CSMD1: variants seen among roughly 807,000 people sequenced by gnomAD.
The protein encoded by CSMD1 is CUB and Sushi multiple domains 1, also known as CUB and sushi domain-containing protein 1.
Under a neutral mutation model 417.5 loss-of-function variants are expected in CSMD1, and 213 were observed. The observed-to-expected ratio is 0.51, with a 90% CI of 0.46 to 0.57. The LOEUF (loss-of-function observed/expected upper bound fraction) is 0.57. CSMD1 is among the 20% of genes least tolerant of loss of function. The pLI is 0.00. For missense variants in CSMD1, 6,923 were observed against 4,529.7 expected, an observed-to-expected ratio of 1.53 and a Z score of -15.17; for synonymous variants, 2,862 against 1,736.8, an observed-to-expected ratio of 1.65 and a Z score of -16.11.
At chr8:3,402,028 A>C (rs1393068551) in intron 15 of CSMD1, among the ~76,000 whole-genome samples, 3 of 152,028 alleles carry the variant, frequency 2.0e-5, no homozygotes, top group Non-Finnish European at 4.4e-5. Flanking sequence ...ACACACACAC[A>C]CATACACCCC....
intron 7 of CSMD1, among the ~76,000 whole-genome samples, chr8:3,650,221 T>G (rs1235212426): frequency 2.0e-5 from 3 of 151,038 alleles, no homozygotes; most frequent in Non-Finnish European, 4.4e-5. Context: ...AGATTTGCAA[T>G]GACCTGAGAT....
chr8:3,534,865 A>G (rs1297015166), intron 10 of CSMD1, among the ~76,000 whole-genome samples: 3 of 152,338 alleles, frequency 2.0e-5, no homozygotes, highest in African/African-American at 7.2e-5. Flanking sequence ...TGTATTCATC[A>G]ACCATCTGGG....
chr8:4,452,104 G>C (rs541368164), intron 2 of CSMD1, among the ~76,000 whole-genome samples: 83 of 152,292 alleles, frequency 5.5e-4, no homozygotes, highest in Admixed American at 1.4e-3. Flanking sequence ...ATTTAGGGCA[G>C]TGTGATGCTT....
intron 5 of CSMD1, among the ~76,000 whole-genome samples, chr8:3,760,435 C>T (rs915497880): frequency 1.3e-5 from 2 of 152,138 alleles, no homozygotes; most frequent in Non-Finnish European, 2.9e-5. Flanking sequence ...TAGAACAGGC[C>T]AGTCTGTTTC....
At chr8:3,842,562 A>G (rs1585077515) in intron 5 of CSMD1, among the ~76,000 whole-genome samples, 2 of 152,294 alleles carry the variant, frequency 1.3e-5, no homozygotes, top group East Asian at 3.9e-4. Flanking sequence ...CTGGGGACAC[A>G]GTAGTAGAAA....
chr8:4,249,341 T>C (rs1417705955), intron 3 of CSMD1, among the ~76,000 whole-genome samples: 1 of 152,186 alleles, frequency 6.6e-6, no homozygotes, highest in Non-Finnish European at 1.5e-5. Context: ...GAGGATGGAA[T>C]AAAGCGGTGT....
At chr8:4,845,306 T>G (rs1801079361) in intron 1 of CSMD1, among the ~76,000 whole-genome samples, 1 of 152,224 alleles carries the variant, frequency 6.6e-6, no homozygotes, top group African/African-American at 2.4e-5. Context: ...ACTGTTAATG[T>G]GCTGGTTGTT....
intron 10 of CSMD1, among the ~76,000 whole-genome samples, chr8:3,540,125 G>C (rs187928072): frequency 2.0e-5 from 3 of 152,226 alleles, no homozygotes; most frequent in Admixed American, 6.5e-5. Context: ...TACGGTCACA[G>C]TTTCAATACT....
At chr8:4,306,649 G>T (rs1435247476) in intron 3 of CSMD1, among the ~76,000 whole-genome samples, 1 of 151,940 alleles carries the variant, frequency 6.6e-6, no homozygotes, top group Non-Finnish European at 1.5e-5. Flanking sequence ...TGTATCCATT[G>T]TCGATCACAT....
At chr8:4,471,218 G>C (rs1361484055) in intron 2 of CSMD1, among the ~76,000 whole-genome samples, 4 of 152,058 alleles carry the variant, frequency 2.6e-5, no homozygotes, top group South Asian at 4.1e-4. Flanking sequence ...CTTAGAAAAA[G>C]TCTCGTGTTC....
chr8:4,557,363 C>A (rs1253238755), intron 2 of CSMD1, among the ~76,000 whole-genome samples: 1 of 150,338 alleles, frequency 6.7e-6, no homozygotes, highest in Admixed American at 6.6e-5. Context: ...CTTGATATGC[C>A]AAGATATAAT....
chr8:4,412,986 T>G (rs1180300341), intron 3 of CSMD1, among the ~76,000 whole-genome samples: 3 of 152,200 alleles, frequency 2.0e-5, no homozygotes, highest in Non-Finnish European at 4.4e-5. Context: ...CTTTATCTTT[T>G]CAGTAGTTAT....
Position 3,311,924 on chromosome 8 carries a change from A to G in CSMD1, c.3632-3421T>C, listed in dbSNP as rs140047085. Among the ~76,000 whole-genome samples the G allele has an allele frequency of 3.0e-3, 456 of 152,334 alleles. 6 individuals carry two copies. The East Asian group carries it at 0.036, about 12-fold the overall frequency. On this transcript the variant is annotated intron_variant, in intron 23 of 69. Coordinates refer to ENST00000635120, the MANE Select transcript of CSMD1 (RefSeq NM_033225.6). ...ATTAATGCTTTAAACGTTATCCAGA[A>G]TATGCCTCTATGTTCAGAAATCATG...
chr8:3,990,095 G>A (rs1485886556), intron 5 of CSMD1, among the ~76,000 whole-genome samples: 2 of 152,148 alleles, frequency 1.3e-5, no homozygotes, highest in Non-Finnish European at 2.9e-5. Context: ...CCCTCAGAAG[G>A]CAGAGTGTTT....
At chr8:3,984,135 G>C (rs1814129933) in intron 5 of CSMD1, among the ~76,000 whole-genome samples, 1 of 152,096 alleles carries the variant, frequency 6.6e-6, no homozygotes, top group African/African-American at 2.4e-5. Context: ...GATCTGATGG[G>C]GCTGTCAATT....
chr8:3,236,086 T>G (rs1799138544), intron 26 of CSMD1, among the ~76,000 whole-genome samples: 1 of 151,530 alleles, frequency 6.6e-6, no homozygotes, highest in Non-Finnish European at 1.5e-5. Flanking sequence ...CCAGGCTAAT[T>G]TTTTTGTATT....
At chr8:4,238,896 G>C (rs1034751411) in intron 3 of CSMD1, among the ~76,000 whole-genome samples, 1 of 152,048 alleles carries the variant, frequency 6.6e-6, no homozygotes, top group Admixed American at 6.6e-5. Context: ...GCTTTTTTGA[G>C]TTTCTAGGTT....
intron 2 of CSMD1, among the ~76,000 whole-genome samples, chr8:4,612,721 G>A (rs916861765): frequency 5.3e-5 from 8 of 152,172 alleles, no homozygotes; most frequent in African/African-American, 1.9e-4. Flanking sequence ...GGAGGCTGGT[G>A]GGTGTGTTTG....
At chr8:4,101,226 T>G (rs1034253282) in intron 3 of CSMD1, among the ~76,000 whole-genome samples, 1 of 152,230 alleles carries the variant, frequency 6.6e-6, no homozygotes, top group Non-Finnish European at 1.5e-5. Flanking sequence ...GTTTTCCTTT[T>G]GTTTTTTGCT....
Sources: gnomAD v4.1 joint callset for allele counts (sites outside exome capture counted in the v4.1 genomes callset) on GRCh38, gnomAD v4.1.1 for gene constraint, MANE v1.5 for transcripts, NCBI Gene and HGNC (gene_info 2026-07-23, HGNC 2026-07-21) for gene names.